FHIT: variants seen among roughly 807,000 people sequenced by gnomAD.
The protein encoded by FHIT is fragile histidine triad diadenosine triphosphatase.
A neutral mutation model predicts 17.9 loss-of-function variants in FHIT; 19 were observed. The observed-to-expected ratio is 1.06, with a 90% confidence interval of 0.74 to 1.56. The LOEUF (loss-of-function observed/expected upper bound fraction) is 1.56. Among genes scored for constraint, FHIT ranks in the 40% most tolerant of loss-of-function variants. The pLI is 0.00. For missense variants in FHIT, 248 were observed against 189.2 expected, an observed-to-expected ratio of 1.31 and a Z score of -1.82; for synonymous variants, 81 against 69.7, an observed-to-expected ratio of 1.16 and a Z score of -0.81.
intron 5 of FHIT, among the ~76,000 whole-genome samples, chr3:60,367,770 A>T (rs945363353): frequency 1.1e-4 from 17 of 152,210 alleles, no homozygotes; most frequent in Non-Finnish European, 2.2e-4. Context: ...TAATCAAGTT[A>T]TCGAATATTT....
intron 2 of FHIT, among the ~76,000 whole-genome samples, chr3:61,128,182 AT>A (rs943060130): frequency 3.3e-5 from 5 of 152,174 alleles, no homozygotes; most frequent in African/African-American, 1.2e-4. Flanking sequence ...AAAGAAAGAG[AT>A]AAACTCCAGC....
intron 3 of FHIT, among the ~76,000 whole-genome samples, chr3:60,887,207 C>T (rs7613542): frequency 0.25 from 38,653 of 151,750 alleles, 5,626 homozygotes; most frequent in African/African-American, 0.39. Flanking sequence ...TTGTTTAGGT[C>T]GTCTAGAATG....
intron 8 of FHIT, among the ~76,000 whole-genome samples, chr3:59,826,700 T>C (rs1376652230): frequency 1.3e-5 from 2 of 152,264 alleles, no homozygotes; most frequent in Non-Finnish European, 2.9e-5. Flanking sequence ...TCATACATGC[T>C]GCTGGATGTG....
intron 3 of FHIT, among the ~76,000 whole-genome samples, chr3:61,013,246 TC>T (rs2031899226): frequency 6.6e-6 from 1 of 152,180 alleles, no homozygotes; most frequent in African/African-American, 2.4e-5. Context: ...AGATATGCTT[TC>T]CTGGCCCCAC....
At chr3:61,217,436 C>T (rs1485282687) in intron 1 of FHIT, among the ~76,000 whole-genome samples, 1 of 152,200 alleles carries the variant, frequency 6.6e-6, no homozygotes, top group East Asian at 1.9e-4. Context: ...GGAATATGTC[C>T]ATGTGGCCTC....
At chr3:61,205,475 C>CAGCACCTGTTGTTTCCTGACATTTT (rs2039193735) in intron 1 of FHIT, among the ~76,000 whole-genome samples, 1 of 152,172 alleles carries the variant, frequency 6.6e-6, no homozygotes, top group African/African-American at 2.4e-5. Flanking sequence ...ACATCCTCTC[C>CAGCACCTGTTGTTTCCTGACATTTT]AGCACCTGTT....
intron 8 of FHIT, among the ~76,000 whole-genome samples, chr3:59,880,784 T>C (rs1170189052): frequency 6.6e-6 from 1 of 152,232 alleles, no homozygotes; most frequent in African/African-American, 2.4e-5. Context: ...AATTAATTCA[T>C]GATTATAGAC....
chr3:61,116,779 G>A (rs1324545872), intron 2 of FHIT, among the ~76,000 whole-genome samples: 1 of 152,088 alleles, frequency 6.6e-6, no homozygotes, highest in South Asian at 2.1e-4. Context: ...CATATTAGCA[G>A]CAAACTCATC....
chr3:60,700,843 T>C (rs557926221), intron 4 of FHIT, among the ~76,000 whole-genome samples: 2 of 152,332 alleles, frequency 1.3e-5, no homozygotes, highest in Non-Finnish European at 2.9e-5. Context: ...GTTGCATGTC[T>C]CTTGGTCACT....
At chr3:60,714,832 T>A (rs1201353298) in intron 4 of FHIT, among the ~76,000 whole-genome samples, 1 of 152,128 alleles carries the variant, frequency 6.6e-6, no homozygotes, top group Non-Finnish European at 1.5e-5. Flanking sequence ...GTAGGAAGAA[T>A]CAATAGCATG....
intron 5 of FHIT, among the ~76,000 whole-genome samples, chr3:60,454,039 A>G (rs1214994578): frequency 6.6e-6 from 1 of 152,174 alleles, no homozygotes; most frequent in Non-Finnish European, 1.5e-5. Context: ...ATCTTAAGAA[A>G]GCAGTCTGAG....
intron 4 of FHIT, among the ~76,000 whole-genome samples, chr3:60,579,646 T>C (rs1364792973): frequency 6.6e-6 from 1 of 152,182 alleles, no homozygotes; most frequent in Non-Finnish European, 1.5e-5. Flanking sequence ...TACATGCTTA[T>C]AAATTACAGT....
intron 1 of FHIT, among the ~76,000 whole-genome samples, chr3:61,230,988 A>G (rs2040085447): frequency 6.6e-6 from 1 of 152,244 alleles, no homozygotes; most frequent in Admixed American, 6.5e-5. Context: ...AGAATTTAAA[A>G]ATACTCACTG....
chr3:59,985,293 A>T (rs1194488791), intron 7 of FHIT, among the ~76,000 whole-genome samples: 1 of 152,116 alleles, frequency 6.6e-6, no homozygotes, highest in African/African-American at 2.4e-5. Flanking sequence ...CAAATGCCAC[A>T]GAATTCCATT....
At chr3:60,766,967 C>T (rs918134700) in intron 4 of FHIT, among the ~76,000 whole-genome samples, 11 of 152,150 alleles carry the variant, frequency 7.2e-5, no homozygotes, top group African/African-American at 2.7e-4. Context: ...TGCTCAATCT[C>T]CTTTTGGACA....
intron 5 of FHIT, among the ~76,000 whole-genome samples, chr3:60,366,669 C>T (rs997527423): frequency 2.6e-5 from 4 of 152,100 alleles, no homozygotes; most frequent in Admixed American, 1.3e-4. Context: ...TTCTGCCGTC[C>T]GCTCCCCTGC....
intron 2 of FHIT, among the ~76,000 whole-genome samples, chr3:61,113,958 A>T (rs534271097): frequency 8.5e-5 from 13 of 152,288 alleles, no homozygotes; most frequent in African/African-American, 3.1e-4. Context: ...CAGGAAATAA[A>T]CAAGAGCAAC....
chr3:61,185,633 A>C (rs547663696), intron 2 of FHIT, among the ~76,000 whole-genome samples: 1 of 152,338 alleles, frequency 6.6e-6, no homozygotes, highest in South Asian at 2.1e-4. Flanking sequence ...AACACACTGC[A>C]GCAGGAGATG....
At chr3:60,956,085 A>C (rs1045572066) in intron 3 of FHIT, among the ~76,000 whole-genome samples, 8 of 152,188 alleles carry the variant, frequency 5.3e-5, no homozygotes, top group African/African-American at 1.9e-4. Flanking sequence ...TCTAACAGTC[A>C]ACTCATGTAC....
Sources: gnomAD v4.1 joint callset for allele counts (sites outside exome capture counted in the v4.1 genomes callset) on GRCh38, gnomAD v4.1.1 for gene constraint, MANE v1.5 for transcripts, NCBI Gene and HGNC (gene_info 2026-07-23, HGNC 2026-07-21) for gene names.